Variants in OR52N2 observed in about 807,000 individuals in gnomAD.
OR52N2 encodes olfactory receptor 52N2.
For synonymous variants in OR52N2, 129 were observed against 72.0 expected (o/e 1.79, Z -4.01); for missense variants, 326 against 196.6 (o/e 1.66, Z -3.94).
rs772103645 is a variant in OR52N2 at position 5,821,247 on chromosome 11, A to C, written c.912A>C (p.Glu304Asp). The change falls in exon 2 of 2, where the codon GAA becomes GAC. Residue 304 changes from glutamate (E) to aspartate (D), a missense_variant. Glu to Asp is a conservative substitution (Grantham distance 45). Coordinates refer to ENST00000317037, the MANE Select transcript of OR52N2 (RefSeq NM_001005174.3). ...VYGVKTKQIQ[E>D]GVIKFLLGDK... ...GAGTCAAGACCAAGCAGATTCAGGA[A>C]GGTGTAATTAAATTTTTACTTGGAG... 3.8e-6 allele frequency: 3 copies of C among 780,864 alleles called. No individual in the cohort carries two copies. In the East Asian group the frequency reaches 7.3e-5, roughly 19 times the overall value. 48.4% of individuals were successfully genotyped at this position (780,864 alleles called of 1,614,324 possible).
At chr11:5,814,693 T>A (rs1379712458) in intron 1 of OR52N2, among the ~76,000 whole-genome samples, 1 of 152,142 alleles carries the variant, frequency 6.6e-6, no homozygotes, top group East Asian at 1.9e-4. Flanking sequence ...AAAATCCCAA[T>A]AATTAATTTT....
intron 1 of OR52N2, among the ~76,000 whole-genome samples, chr11:5,816,094 T>C (rs1846402275): frequency 6.6e-6 from 1 of 152,128 alleles, no homozygotes; most frequent in Non-Finnish European, 1.5e-5. Flanking sequence ...TATCATATGA[T>C]TCCATTTATA....
chr11:5,811,570 T>A (rs1437465417), intron 1 of OR52N2, among the ~76,000 whole-genome samples: 1 of 152,020 alleles, frequency 6.6e-6, no homozygotes, highest in Non-Finnish European at 1.5e-5. Flanking sequence ...CTATAGTAGA[T>A]GCACAAAATA....
intron 1 of OR52N2, among the ~76,000 whole-genome samples, chr11:5,814,054 T>C (rs1846383421): frequency 6.6e-6 from 1 of 152,156 alleles, no homozygotes; most frequent in African/African-American, 2.4e-5. Flanking sequence ...GCTAACATCA[T>C]ACTCAGTGGT....
chr11:5,813,810 G>T (rs1846382013), intron 1 of OR52N2, among the ~76,000 whole-genome samples: 1 of 152,048 alleles, frequency 6.6e-6, no homozygotes, highest in Non-Finnish European at 1.5e-5. Context: ...CACAGTAAAA[G>T]GATCATTCAC....
chr11:5,821,379 G>A lies in OR52N2; in HGVS notation c.*78G>A. The A allele has an allele frequency of 3.0e-6, 2 of 659,290 alleles. No individual in the cohort carries two copies. Among genetic ancestry groups the A allele is most frequent in the East Asian group, 2.5e-5 (1 of 39,802 alleles). The allele number at this position is 659,290 out of a possible 1,614,324, so 40.8% of individuals were successfully genotyped here. On this transcript the variant is annotated 3_prime_UTR_variant, in exon 2 of 2. Transcript: ENST00000317037. ...TTTCATAAAAGATGTGAATAAAATG[G>A]TATTAAAATCATGACATGTAATTTA...
chr11:5,810,676 G>A (rs1001975496), intron 1 of OR52N2, among the ~76,000 whole-genome samples: 20 of 152,138 alleles, frequency 1.3e-4, no homozygotes, highest in Non-Finnish European at 2.1e-4. Context: ...CCGGCATGGA[G>A]GTTTTGAGGA....
chr11:5,813,830 T>C (rs1459629386), intron 1 of OR52N2, among the ~76,000 whole-genome samples: 1 of 152,174 alleles, frequency 6.6e-6, no homozygotes, highest in Non-Finnish European at 1.5e-5. Flanking sequence ...CCATGATCAC[T>C]TGGGCTTTAT....
intron 1 of OR52N2, among the ~76,000 whole-genome samples, chr11:5,816,372 G>A (rs773653755): frequency 3.3e-5 from 5 of 152,080 alleles, no homozygotes; most frequent in Non-Finnish European, 7.4e-5. Flanking sequence ...AATGAATCGG[G>A]CATGTCAATA....
chr11:5,811,601 C>T (rs1214429469), intron 1 of OR52N2, among the ~76,000 whole-genome samples: 1 of 151,932 alleles, frequency 6.6e-6, no homozygotes, highest in Non-Finnish European at 1.5e-5. Flanking sequence ...AGAACGAAAG[C>T]ACACTATTAG....
Position 5,820,573 on chromosome 11 carries a change from G to T in OR52N2, c.238G>T (p.Val80Leu). Residue 80 changes from valine to leucine, a missense_variant, in exon 2 of 2, where the codon GTA becomes TTA. Physicochemically the swap from Val to Leu is conservative, Grantham distance 32. Transcript: ENST00000317037. ...TGATGTCACCTTGTGCACCACCATGGTACCTAATATGCTGTGCATATTCTG... is the reference window on the plus strand; with the variant it reads ...TGATGTCACCTTGTGCACCACCATGTTACCTAATATGCTGTGCATATTCTG... ...FTDVTLCTTM[V>L]PNMLCIFWFN... is the part of the protein sequence containing the mutation. 1 of 781,116 alleles carries T rather than the reference G, an allele frequency of 1.3e-6. No homozygotes were observed. The highest frequency in any genetic ancestry group is 2.4e-6 in the Non-Finnish European group (1 of 418,338). The allele number at this position is 781,116 out of a possible 1,614,324, so 48.4% of individuals were successfully genotyped here. A position where few individuals can be genotyped will look rare whatever the true frequency, so the allele number is the denominator to read the frequency against.
At chr11:5,814,964 A>G (rs1846390450) in intron 1 of OR52N2, among the ~76,000 whole-genome samples, 1 of 152,190 alleles carries the variant, frequency 6.6e-6, no homozygotes, top group African/African-American at 2.4e-5. Flanking sequence ...ATATCATTCA[A>G]TGTTGAAAGG....
At chr11:5,812,634 A>G (rs963806939) in intron 1 of OR52N2, among the ~76,000 whole-genome samples, 2 of 152,094 alleles carry the variant, frequency 1.3e-5, no homozygotes, top group African/African-American at 2.4e-5. Flanking sequence ...CAGCACCTAA[A>G]TATATAAAGA....
chr11:5,820,058 G>T (rs540747912), intron 1 of OR52N2, among the ~76,000 whole-genome samples: 1 of 152,318 alleles, frequency 6.6e-6, no homozygotes, highest in South Asian at 2.1e-4. Context: ...GAGAGGTGTG[G>T]TAAGTGAGGA....
chr11:5,814,393 T>C (rs1846386327), intron 1 of OR52N2, among the ~76,000 whole-genome samples: 2 of 151,940 alleles, frequency 1.3e-5, no homozygotes, highest in African/African-American at 4.8e-5. Flanking sequence ...CAATTCACAA[T>C]AGCACATAAA....
intron 1 of OR52N2, among the ~76,000 whole-genome samples, chr11:5,815,841 G>A (rs1165828571): frequency 1.3e-5 from 2 of 151,734 alleles, no homozygotes; most frequent in Non-Finnish European, 2.9e-5. Flanking sequence ...GCCCATCAAT[G>A]GATGAATGAA....
chr11:5,821,126 A>G lies in OR52N2; in HGVS notation c.791A>G (p.His264Arg), dbSNP rs8181512. 407,794 of 780,672 alleles carry G rather than the reference A, an allele frequency of 0.52. 108,193 individuals carry two copies. Among genetic ancestry groups the G allele is most frequent in the Non-Finnish European group, 0.56 (233,956 of 418,042 alleles). The allele number at this position is 780,672 out of a possible 1,614,324, so 48.4% of individuals were successfully genotyped here. Residue 264 changes from histidine (H) to arginine (R), a missense_variant, in exon 2 of 2, where the codon CAT (histidine) becomes CGT (arginine). Transcript: ENST00000317037. ...YVAAFFTFFT[H>R]RFVGHNIPNH... is the part of the protein sequence containing the mutation. Reference sequence around the variant, plus strand: ...GCTGCTTTTTTCACTTTTTTCACTCATCGTTTTGTAGGACACAATATCCCA... The same window carrying G: ...GCTGCTTTTTTCACTTTTTTCACTCGTCGTTTTGTAGGACACAATATCCCA...
intron 1 of OR52N2, among the ~76,000 whole-genome samples, chr11:5,816,149 A>G (rs7103834): frequency 0.1 from 15,164 of 152,152 alleles, 1,184 homozygotes; most frequent in African/African-American, 0.22. Context: ...CAGAAAGAAT[A>G]GTGGTTGCCA....
chr11:5,814,736 A>T (rs1208669866), intron 1 of OR52N2, among the ~76,000 whole-genome samples: 1 of 152,210 alleles, frequency 6.6e-6, no homozygotes, highest in Non-Finnish European at 1.5e-5. Flanking sequence ...TACAATTCAT[A>T]TGAAATCTCA....
Sources: allele counts gnomAD v4.1 joint callset (sites outside exome capture counted in the v4.1 genomes callset), GRCh38; gene constraint gnomAD v4.1.1; transcripts MANE v1.5; gene names NCBI Gene and HGNC (gene_info 2026-07-23, HGNC 2026-07-21).